MAP1S: variants seen among roughly 807,000 people sequenced by gnomAD.
MAP1S encodes microtubule-associated protein 1S.
A neutral mutation model predicts 60.9 loss-of-function variants in MAP1S; 27 were observed. The ratio of observed to expected loss-of-function variants is 0.44; its 90% CI spans 0.33 to 0.61. The LOEUF is 0.61. Among genes scored for constraint, MAP1S ranks in the 20% least tolerant of loss-of-function variants. The probability of loss-of-function intolerance (pLI) is 0.03; values close to 1 mark genes in which losing one functional copy is unlikely to be tolerated. For synonymous variants in MAP1S, 826 were observed against 694.2 expected (o/e 1.19, Z -2.98); for missense variants, 1,608 against 1,486.6 (o/e 1.08, Z -1.34).
At position 17,728,118 on chromosome 19, in the gene MAP1S, G is replaced by A. The variant is rs1452134086; in HGVS notation, c.2734G>A (p.Ala912Thr). Residue 912 changes from alanine (A) to threonine (T), a missense_variant, in exon 5 of 7, where the codon GCA (alanine) becomes ACA (threonine). By Grantham distance (58) the Ala-to-Thr change is moderately conservative. Transcript: ENST00000324096. ...TGAGCCCAGTGAGAAGGGAGGCCGG[G>A]CACCCCTGTCCAGAAAGTCCTCAAC... ...RSEPSEKGGR[A>T]PLSRKSSTPK... 4.3e-6 allele frequency: 7 copies of A among 1,611,508 alleles called. No homozygotes were observed. Among genetic ancestry groups the A allele is most frequent in the Non-Finnish European group, 5.9e-6 (7 of 1,178,966 alleles).
rs763968795 is a variant in MAP1S at position 17,733,460 on chromosome 19, G to A, written c.3024+32G>A. 4.6e-6 allele frequency: 7 copies of A among 1,527,632 alleles called. No individual in the cohort carries two copies. The African/African-American group carries it at 5.5e-5, about 12-fold the overall frequency. 94.6% of individuals were successfully genotyped at this position (1,527,632 alleles called of 1,614,324 possible). ...GTCACCCCAGGGCCTCTGGTGGTAA[G>A]TGTAGTTAGCACAGATGGGTAAAAC... On this transcript the variant is annotated intron_variant, in intron 6 of 6. Transcript: ENST00000324096.
intron 5 of MAP1S, among the ~76,000 whole-genome samples, chr19:17,729,653 G>A (rs1273239521): frequency 1.3e-5 from 2 of 151,560 alleles, no homozygotes; most frequent in Non-Finnish European, 2.9e-5. Flanking sequence ...CCACAGACAC[G>A]CACCATAACG....
chr19:17,726,033 T>A lies in MAP1S; in HGVS notation c.649T>A (p.Ser217Thr), dbSNP rs1214785607. 5 of 1,612,814 alleles carry A rather than the reference T, an allele frequency of 3.1e-6. No homozygotes were observed. The highest frequency in any genetic ancestry group is 4.2e-6 in the Non-Finnish European group (5 of 1,179,634). ...LCEFLEYVAE[S>T]LEPPSPFELL... ...CGAATTCCTGGAGTACGTGGCTGAG[T>A]CTCTGGAGCCACCGTCCCCCTTCGA... Residue 217 changes from serine to threonine, a missense_variant, in exon 5 of 7, where the codon TCT (serine) becomes ACT (threonine). Around this residue, in one of 4 missense-constraint regions of MAP1S, gnomAD observed 320 missense variants for 393.1 expected, o/e 0.81. Transcript: ENST00000324096.
Position 17,720,966 on chromosome 19 carries a change from T to A in MAP1S, c.149T>A (p.Val50Asp). The change falls in exon 2 of 7, where the codon GTC becomes GAC. Residue 50 changes from valine to aspartate, a missense_variant. Around this residue, in one of 4 missense-constraint regions of MAP1S, gnomAD observed 320 missense variants for 393.1 expected, o/e 0.81. Coordinates refer to ENST00000324096, the MANE Select transcript of MAP1S (RefSeq NM_018174.6). The part of the protein sequence containing the change: ...GIRSWDVDPG[V>D]CNLDEQLKVF... ...CGGTCTTGGGATGTCGATCCTGGCG[T>A]CTGCAACCTTGATGAACAGCTCAAG... 6.2e-7 allele frequency: 1 copy of A among 1,614,054 alleles called. No individual in the cohort carries two copies. Among genetic ancestry groups the A allele is most frequent in the Non-Finnish European group, 8.5e-7 (1 of 1,179,984 alleles).
At chr19:17,720,301 G>A (rs2080358952) in intron 1 of MAP1S, 1 of 1,447,206 alleles carries the variant, frequency 6.9e-7, no homozygotes, top group Non-Finnish European at 9.1e-7. Context: ...TGTAAAATGG[G>A]ACAGGAACAC....
At chr19:17,723,639 A>G (rs1315616261) in intron 2 of MAP1S, among the ~76,000 whole-genome samples, 3 of 152,192 alleles carry the variant, frequency 2.0e-5, no homozygotes, top group South Asian at 2.1e-4. Context: ...TCACGAGGTC[A>G]GGATATGGAG....
intron 5 of MAP1S, among the ~76,000 whole-genome samples, chr19:17,730,144 C>T (rs1032771897): frequency 2.0e-5 from 3 of 152,130 alleles, no homozygotes; most frequent in African/African-American, 7.2e-5. Flanking sequence ...AGACTGTTTT[C>T]CACAGCAGCT....
In MAP1S at chr19:17,727,736, CACA is replaced by C; in HGVS notation, c.2353_2355del (p.Thr785del). On this transcript the variant is annotated inframe_deletion, in exon 5 of 7. Transcript: ENST00000324096. The surrounding 1 kb of genome is among the most constrained non-coding windows in gnomAD (Gnocchi z 4.1). ...GGCTGGGGGCCGAGGAGACGCCACC[CACA>C]TCGGTCAGCGAGTCCCTGCCCACCC... is the stretch of plus-strand genomic sequence containing the variant. 6.2e-7 allele frequency: 1 copy of C among 1,606,378 alleles called. No individual in the cohort carries two copies. Among genetic ancestry groups the C allele is most frequent in the South Asian group, 1.1e-5 (1 of 90,466 alleles).
chr19:17,725,715 G>A lies in MAP1S; in HGVS notation c.445-114G>A. 1 of 1,055,998 alleles carries A rather than the reference G, an allele frequency of 9.5e-7. No homozygotes were observed. The highest frequency in any genetic ancestry group is 2.6e-5 in the East Asian group (1 of 39,142). 65.4% of individuals were successfully genotyped at this position (1,055,998 alleles called of 1,614,324 possible). ...GGAGAGGGTTGGGTTTTGGCGGGAG[G>A]GCCCTGAGGAGCAGGCCCTGGGGGA... is the stretch of plus-strand genomic sequence containing the variant. On this transcript the variant is annotated intron_variant, in intron 4 of 6. Coordinates refer to ENST00000324096, the MANE Select transcript of MAP1S (RefSeq NM_018174.6). The surrounding 1 kb of genome is among the most constrained non-coding windows in gnomAD (Gnocchi z 4.2).
rs759297038 is a variant in MAP1S, at chr19:17,727,240, GGGA to G, written c.1861_1863del (p.Glu621del). On this transcript the variant is annotated inframe_deletion, in exon 5 of 7. Transcript: ENST00000324096. This position sits in a 1 kb window ranked among gnomAD's most constrained non-coding sequence, Gnocchi z 4.1. ...CTGGAGCTGGGGCCGATCCCAGCCG[GGGA>G]GGAGAAGGCACTGGAGCTGCCTTTG... 3.5e-5 allele frequency: 55 copies of G among 1,567,802 alleles called. No individual in the cohort carries two copies. Among genetic ancestry groups the G allele is most frequent in the Non-Finnish European group, 4.2e-5 (49 of 1,161,962 alleles).
At chr19:17,720,750 G>A in intron 1 of MAP1S, 186 bp from the exon 2 acceptor site, 1 of 637,798 alleles carries the variant, frequency 1.6e-6, no homozygotes, top group Non-Finnish European at 2.8e-6. Context: ...AAATGATGAG[G>A]TGTGCTCTGG....
At chr19:17,730,248 A>G (rs1460745780) in intron 5 of MAP1S, among the ~76,000 whole-genome samples, 1 of 152,156 alleles carries the variant, frequency 6.6e-6, no homozygotes, top group African/African-American at 2.4e-5. Context: ...GCATCTTTTC[A>G]TATGCCTATT....
At chr19:17,723,928 G>T (rs930208493) in intron 2 of MAP1S, among the ~76,000 whole-genome samples, 198 bp from the exon 3 acceptor site, 1 of 152,178 alleles carries the variant, frequency 6.6e-6, no homozygotes, top group Admixed American at 6.5e-5. Context: ...GCACGATGGG[G>T]CCCTCTGGTT....
rs539832522 is a variant in MAP1S, at chr19:17,728,018, C to T, written c.2634C>T (p.Ala878=). 12 of 1,612,214 alleles carry T rather than the reference C, an allele frequency of 7.4e-6. No homozygotes were observed. In the East Asian group the frequency reaches 1.3e-4, roughly 18 times the overall value. The change falls in exon 5 of 7, where the codon GCC becomes GCT. Residue 878 remains alanine (A), a synonymous_variant. Transcript: ENST00000324096. ...ACTCACGCGCTGCCGCCCCCAAAGC[C>T]ACTCCAGTGGCTGCTGCCAAAACCA... The part of the protein sequence containing the change: ...RPNSRAAAPK[A]TPVAAAKTKG...
Position 17,719,581 on chromosome 19 carries a change from C to T in MAP1S, c.79C>T (p.Pro27Ser). ...LLVVGSEFGS[P>S]GLLTYVLEEL... is the part of the protein sequence containing the mutation. Reference sequence around the variant, plus strand: ...CGTGGTGGGCAGCGAGTTCGGGAGCCCGGGGCTCCTCACCTACGTCCTGGA... The same window carrying T: ...CGTGGTGGGCAGCGAGTTCGGGAGCTCGGGGCTCCTCACCTACGTCCTGGA... The change falls in exon 1 of 7, where the codon CCG becomes TCG. Residue 27 changes from proline (P) to serine (S), a missense_variant. Physicochemically the swap from Pro to Ser is moderately conservative, Grantham distance 74. This residue lies in a region of MAP1S where 320 missense variants were observed against 393.1 expected (regional missense o/e 0.81). Transcript: ENST00000324096. 4.8e-6 allele frequency: 6 copies of T among 1,245,756 alleles called. No homozygotes were observed. The highest frequency in any genetic ancestry group is 8.2e-5 in the South Asian group (2 of 24,358). The allele number at this position is 1,245,756 out of a possible 1,614,324, so 77.2% of individuals were successfully genotyped here. A position where few individuals can be genotyped will look rare whatever the true frequency, so the allele number is the denominator to read the frequency against.
At chr19:17,723,854 C>T (rs771296238) in intron 2 of MAP1S, among the ~76,000 whole-genome samples, 1 of 152,032 alleles carries the variant, frequency 6.6e-6, no homozygotes, top group African/African-American at 2.4e-5. Flanking sequence ...GACTCCGTCT[C>T]ACAAAAAAAA....
chr19:17,724,903 C>A, intron 3 of MAP1S, 146 bp from the exon 4 acceptor site: 1 of 960,336 alleles, frequency 1.0e-6, no homozygotes, highest in Non-Finnish European at 1.6e-6. Context: ...CTGGAGACTG[C>A]CTTCGTAGCT....
intron 2 of MAP1S, among the ~76,000 whole-genome samples, chr19:17,723,449 G>A (rs2080388800): frequency 2.0e-5 from 3 of 152,166 alleles, no homozygotes; most frequent in African/African-American, 7.2e-5. Context: ...TCGGGAGGCT[G>A]AGGCAGGAGA....
At position 17,719,526 on chromosome 19, in the gene MAP1S, G is replaced by T. The variant is rs1270750525; in HGVS notation, c.24G>T (p.Gly8=). 1.6e-6 allele frequency: 2 copies of T among 1,245,898 alleles called. No homozygotes were observed. The highest frequency in any genetic ancestry group is 1.6e-5 in the African/African-American group (1 of 64,398). The allele number at this position is 1,245,898 out of a possible 1,614,324, so 77.2% of individuals were successfully genotyped here. A position where few individuals can be genotyped will look rare whatever the true frequency, so the allele number is the denominator to read the frequency against. ...AGATGGCGGCGGTGGCTGGATCTGGGGCTGCCGCGGCTCCGAGCTCACTGC... is the reference window on the plus strand; with the variant it reads ...AGATGGCGGCGGTGGCTGGATCTGGTGCTGCCGCGGCTCCGAGCTCACTGC... MAAVAGS[G]AAAAPSSLLL... Residue 8 remains glycine (G), a synonymous_variant, in exon 1 of 7, where the codon GGG becomes GGT. Coordinates refer to ENST00000324096, the MANE Select transcript of MAP1S (RefSeq NM_018174.6).
Sources: gnomAD v4.1 joint callset for allele counts (sites outside exome capture counted in the v4.1 genomes callset) on GRCh38, gnomAD v4.1.1 for gene constraint, gnomAD v4.1.1 regional missense constraint, Gnocchi (gnomAD v3.1) non-coding constraint, MANE v1.5 for transcripts, NCBI Gene and HGNC (gene_info 2026-07-23, HGNC 2026-07-21) for gene names.